The following ERAP2 variants were observed in gnomAD, a reference collection of about 807,000 sequenced individuals.
ERAP2 encodes the protein endoplasmic reticulum aminopeptidase 2.
Under a neutral mutation model 111.1 loss-of-function variants are expected in ERAP2, and 118 were observed. The ratio of observed to expected loss-of-function variants is 1.06; its 90% CI spans 0.92 to 1.24. The LOEUF is 1.24. Among genes scored for constraint, ERAP2 ranks in the 50% most tolerant of loss-of-function variants. The pLI is 0.00. For synonymous variants in ERAP2, 410 were observed against 401.2 expected, an observed-to-expected ratio of 1.02 and a Z score of -0.26; for missense variants, 1,131 against 1,125.8, an observed-to-expected ratio of 1.00 and a Z score of -0.07.
At chr5:96,893,132 C>T (rs1784547012) in intron 6 of ERAP2, among the ~76,000 whole-genome samples, 1 of 152,128 alleles carries the variant, frequency 6.6e-6, no homozygotes, top group African/African-American at 2.4e-5. Context: ...AATAACTTAT[C>T]TAAGGGCCAT....
chr5:96,913,573 T>C (rs1787040562), intron 17 of ERAP2, 116 bp downstream of exon 17: 6 of 1,246,760 alleles, frequency 4.8e-6, no homozygotes, highest in Admixed American at 2.1e-5. Context: ...TGTATCCAAA[T>C]AGTTCAGTGG....
At position 96,919,410 on chromosome 5, in the gene ERAP2, T is replaced by C. The variant is rs1019137062; in HGVS notation, c.*1805T>C. 1 of 152,336 alleles carries C rather than the reference T, an allele frequency of 6.6e-6. No individual in the cohort carries two copies. The highest frequency in any genetic ancestry group is 1.5e-5 in the Non-Finnish European group (1 of 68,028). The allele number at this position is 152,336 out of a possible 1,614,324, so 9.4% of individuals were successfully genotyped here. ...CTTTAGAATTACATGTATTTTAGCA[T>C]AAGGAAATTGAAAAAGTAAAACATA... On this transcript the variant is annotated 3_prime_UTR_variant, in exon 19 of 19. Coordinates refer to ENST00000437043, the MANE Select transcript of ERAP2 (RefSeq NM_022350.5).
At chr5:96,916,436 T>C (rs1156791949) in intron 18 of ERAP2, among the ~76,000 whole-genome samples, 3 of 150,782 alleles carry the variant, frequency 2.0e-5, no homozygotes, top group African/African-American at 7.3e-5. Flanking sequence ...AACAAAACTA[T>C]TGTTGGTAAT....
At chr5:96,898,770 A>G (rs983891385) in intron 9 of ERAP2, among the ~76,000 whole-genome samples, 19 of 151,942 alleles carry the variant, frequency 1.3e-4, no homozygotes, top group Admixed American at 9.2e-4. Flanking sequence ...CAAACAAAAA[A>G]CATATAAAGA....
rs115307192 is a variant in ERAP2 at position 96,897,919 on chromosome 5, G to A, written c.1503+1056G>A. Among the ~76,000 whole-genome samples the A allele has an allele frequency of 5.9e-3, 898 of 152,222 alleles. 16 individuals carry two copies. The highest frequency in any genetic ancestry group is 0.02 in the African/African-American group (844 of 41,534). On this transcript the variant is annotated intron_variant, in intron 9 of 18. Coordinates refer to ENST00000437043, the MANE Select transcript of ERAP2 (RefSeq NM_022350.5). Reference sequence around the variant, plus strand: ...ACAGTTTAAAGACACTTTCATGGCCGGGTACAATGGCTCACGCCTGTAATC... The same window carrying A: ...ACAGTTTAAAGACACTTTCATGGCCAGGTACAATGGCTCACGCCTGTAATC...
In ERAP2 at chr5:96,903,391, C is replaced by A; in HGVS notation, c.1843C>A (p.Pro615Thr). The change falls in exon 13 of 19, where the codon CCT (proline) becomes ACT (threonine). Residue 615 changes from proline to threonine, a missense_variant. Pro to Thr is a conservative substitution (Grantham distance 38, BLOSUM62 -1). Around this residue, in one of 3 missense-constraint regions of ERAP2, gnomAD observed 847 missense variants for 856.5 expected, o/e 0.99. Transcript: ENST00000437043. ...TATCCTCTTAGATACTCTGGATCTA[C>A]CTGAAAAGACCAGTTGGGTGAAATT... ...LKSKTDTLDL[P>T]EKTSWVKFNV... The A allele has an allele frequency of 6.2e-7, 1 of 1,612,186 alleles. No homozygotes were observed.
intron 4 of ERAP2, among the ~76,000 whole-genome samples, chr5:96,887,073 G>GTGTATATATATA (rs1554055535): frequency 2.3e-5 from 2 of 87,164 alleles, no homozygotes; most frequent in South Asian, 4.1e-4. Context: ...AATTTTCAAA[G>GTGTATATATATA]TATATATATA....
At position 96,913,374 on chromosome 5, in the gene ERAP2, CCTT is replaced by C. The variant is rs1461739050; in HGVS notation, c.2576_2578del (p.Leu859del). ...TCAAGACACAGAACTTGGCAGCTCT[CCTT>C]CATGCGATTGCCAGACGTCCAAAGG... On this transcript the variant is annotated inframe_deletion, in exon 17 of 19. Transcript: ENST00000437043. The C allele has an allele frequency of 4.3e-6, 7 of 1,613,966 alleles. No homozygotes were observed. Among genetic ancestry groups the C allele is most frequent in the Middle Eastern group, 3.3e-4 (2 of 6,084 alleles).
At chr5:96,889,161 C>T in intron 4 of ERAP2, 24 bp from the exon 5 acceptor site, 1 of 1,612,264 alleles carries the variant, frequency 6.2e-7, no homozygotes. Context: ...CATTCAAAAA[C>T]CTCTTCTGAT....
chr5:96,919,328 T>C lies in ERAP2; in HGVS notation c.*1723T>C, dbSNP rs905531352. Reference sequence around the variant, plus strand: ...ATGGAATCTTTGAAGTATCTTTGACTCTAACTTTGACTTGGTGGTGGACCT... The same window carrying C: ...ATGGAATCTTTGAAGTATCTTTGACCCTAACTTTGACTTGGTGGTGGACCT... On this transcript the variant is annotated 3_prime_UTR_variant, in exon 19 of 19. Transcript: ENST00000437043. 1.2e-4 allele frequency: 19 copies of C among 152,360 alleles called. 1 individual carries two copies. Among genetic ancestry groups the C allele is most frequent in the Admixed American group, 1.0e-3 (16 of 15,288 alleles). The allele number at this position is 152,360 out of a possible 1,614,324, so 9.4% of individuals were successfully genotyped here.
chr5:96,913,938 G>C (rs1787089030), intron 17 of ERAP2, among the ~76,000 whole-genome samples: 1 of 152,186 alleles, frequency 6.6e-6, no homozygotes, highest in Non-Finnish European at 1.5e-5. Flanking sequence ...TCAGGTGAAA[G>C]AAACCTAGTC....
chr5:96,909,788 C>CTAG, intron 15 of ERAP2, 24 bp downstream of exon 15: 1 of 1,604,788 alleles, frequency 6.2e-7, no homozygotes, highest in Non-Finnish European at 8.5e-7. Flanking sequence ...TCTGTCCTAC[C>CTAG]CTTTGTTCTT....
At chr5:96,902,521 T>C (rs1313066883) in intron 12 of ERAP2, 168 bp downstream of exon 12, 6 of 531,042 alleles carry the variant, frequency 1.1e-5, no homozygotes, top group Middle Eastern at 4.7e-4. Flanking sequence ...TAAGAAAATC[T>C]GGATTTTTCA....
intron 1 of ERAP2, among the ~76,000 whole-genome samples, chr5:96,878,554 G>C (rs1048485438): frequency 6.6e-6 from 1 of 152,148 alleles, no homozygotes; most frequent in Non-Finnish European, 1.5e-5. Flanking sequence ...AGCTAATTGG[G>C]AGGCTGAGAC....
intron 15 of ERAP2, 47 bp downstream of exon 15, chr5:96,909,811 T>A: frequency 6.3e-7 from 1 of 1,581,604 alleles, no homozygotes; most frequent in Non-Finnish European, 8.6e-7. Context: ...CTCTTTGATG[T>A]AAAAGTCTTT....
chr5:96,892,782 T>G (rs1376176274), intron 6 of ERAP2, among the ~76,000 whole-genome samples: 1 of 152,220 alleles, frequency 6.6e-6, no homozygotes, highest in Admixed American at 6.5e-5. Context: ...TAAAGATTTC[T>G]ACTAAAAATA....
At chr5:96,915,880 G>A (rs1787322727) in intron 18 of ERAP2, 111 bp downstream of exon 18, 2 of 971,472 alleles carry the variant, frequency 2.1e-6, no homozygotes, top group Non-Finnish European at 3.0e-6. Context: ...TTTTAAAAAA[G>A]TTGTTTGTCC....
At chr5:96,879,462 G>A in intron 1 of ERAP2, 102 bp from the exon 2 acceptor site, 2 of 463,876 alleles carry the variant, frequency 4.3e-6, no homozygotes, top group Non-Finnish European at 7.7e-6. Context: ...CTGACAGAGA[G>A]CAGATTTTCC....
intron 2 of ERAP2, 74 bp downstream of exon 2, chr5:96,880,334 A>G: frequency 7.8e-7 from 1 of 1,281,076 alleles, no homozygotes; most frequent in Non-Finnish European, 1.1e-6. Flanking sequence ...TGCCAGGAGC[A>G]GACTTCAGCA....
Sources: allele counts gnomAD v4.1 joint callset (sites outside exome capture counted in the v4.1 genomes callset), GRCh38; gene constraint gnomAD v4.1.1; regional missense constraint gnomAD v4.1.1; transcripts MANE v1.5; gene names NCBI Gene and HGNC (gene_info 2026-07-23, HGNC 2026-07-21).